Variants in PKHD1 observed in about 807,000 individuals in gnomAD.
PKHD1 encodes the protein PKHD1 ciliary IPT domain containing fibrocystin/polyductin.
PKHD1 carries 291 observed loss-of-function variants against 412.0 expected under a neutral mutation model. That is an observed-to-expected ratio of 0.71 (90% CI 0.64 to 0.78). The LOEUF (loss-of-function observed/expected upper bound fraction) is 0.78. PKHD1 is among the 30% of genes least tolerant of loss of function. The pLI, the probability that PKHD1 is intolerant of heterozygous loss-of-function variation, is 0.00. For missense variants in PKHD1, 4,825 were observed against 4,950.7 expected (o/e 0.97, Z 0.76); for synonymous variants, 1,777 against 1,821.5 (o/e 0.98, Z 0.62).
chr6:52,070,311 TC>T, intron 10 of PKHD1, 94 bp downstream of exon 10: 1 of 848,388 alleles, frequency 1.2e-6, no homozygotes, highest in Non-Finnish European at 2.0e-6. Context: ...TTTAACATTT[TC>T]CGTCATAAAA....
In PKHD1 at chr6:52,062,522, A is replaced by G. The variant is rs1808828254; in HGVS notation, c.1115T>C (p.Phe372Ser). 1 of 1,614,038 alleles carries G rather than the reference A, an allele frequency of 6.2e-7. No homozygotes were observed. The highest frequency in any genetic ancestry group is 1.1e-5 in the South Asian group (1 of 91,080). ...FGFWSQEGQP[F>S]RARLSGFFVA... The stretch of plus-strand genomic sequence containing the variant: ...TCCCACTTTTCCTACAACATACCTG[A>G]AAGGTTGTCCTTCCTGTGACCAAAA... The change falls in exon 14 of 67, where the codon TTC becomes TCC. Residue 372 changes from phenylalanine (F) to serine (S), a missense_variant. Physicochemically the swap from Phe to Ser is radical, Grantham distance 155 (BLOSUM62 -2). Transcript: ENST00000371117.
intron 35 of PKHD1, among the ~76,000 whole-genome samples, chr6:51,983,534 G>A (rs1448923945): frequency 6.6e-6 from 1 of 152,184 alleles, no homozygotes; most frequent in Non-Finnish European, 1.5e-5. Flanking sequence ...TTCCCAAGAG[G>A]GGGCAGATAA....
At chr6:51,799,001 T>C (rs993694390) in intron 52 of PKHD1, among the ~76,000 whole-genome samples, 3 of 152,180 alleles carry the variant, frequency 2.0e-5, no homozygotes, top group Non-Finnish European at 2.9e-5. Flanking sequence ...CCCTTTCAAT[T>C]GCCCTACCAA....
intron 50 of PKHD1, among the ~76,000 whole-genome samples, chr6:51,838,641 C>A (rs1411131641): frequency 6.6e-6 from 1 of 152,168 alleles, no homozygotes; most frequent in Non-Finnish European, 1.5e-5. Context: ...CATCTACATG[C>A]ATCTGGGGGC....
intron 53 of PKHD1, among the ~76,000 whole-genome samples, chr6:51,790,396 G>A (rs1201720292): frequency 6.6e-6 from 1 of 152,002 alleles, no homozygotes; most frequent in Non-Finnish European, 1.5e-5. Flanking sequence ...CACTACCCTA[G>A]ATCCATTCCA....
In PKHD1 at chr6:51,871,362, T is replaced by C. The variant is rs1296527177; in HGVS notation, c.7351-723A>G. Among the ~76,000 whole-genome samples, 6 of 121,700 alleles carry C rather than the reference T, an allele frequency of 4.9e-5. 1 individual carries two copies. In the South Asian group the frequency reaches 7.3e-4, roughly 15 times the overall value. The allele number at this position is 121,700 out of a possible 152,430, so 79.8% of individuals were successfully genotyped here. Reference sequence around the variant, plus strand: ...TCGTCGATAATAAGGAATGTAATATTGATATGTGCAACAAGTTAGATGAAT... The same window carrying C: ...TCGTCGATAATAAGGAATGTAATATCGATATGTGCAACAAGTTAGATGAAT... On this transcript the variant is annotated intron_variant, in intron 46 of 66. Transcript: ENST00000371117.
intron 46 of PKHD1, among the ~76,000 whole-genome samples, chr6:51,872,677 G>T (rs1348490133): frequency 2.0e-5 from 3 of 152,050 alleles, no homozygotes; most frequent in Admixed American, 6.5e-5. Flanking sequence ...CCAAACTGCT[G>T]GGATTACAGG....
intron 55 of PKHD1, among the ~76,000 whole-genome samples, chr6:51,758,054 A>G (rs992490972): frequency 7.8e-5 from 9 of 115,344 alleles, no homozygotes; most frequent in African/African-American, 2.7e-4. Flanking sequence ...GAGAGAGAGA[A>G]AACAAAGCAA....
chr6:51,868,244 T>C, intron 47 of PKHD1, 135 bp from the exon 48 acceptor site: 1 of 831,008 alleles, frequency 1.2e-6, no homozygotes, highest in South Asian at 1.5e-5. Flanking sequence ...AGAAAAAAAG[T>C]GTTTTCTGTG....
rs1210900277 is a variant in PKHD1 at position 52,055,671 on chromosome 6, G to A, written c.1752C>T (p.Gly584=). The A allele has an allele frequency of 5.0e-6, 8 of 1,613,890 alleles. No individual in the cohort carries two copies. Among genetic ancestry groups the A allele is most frequent in the Non-Finnish European group, 6.8e-6 (8 of 1,179,822 alleles). ...GTCGAGGCTGACGGAGGCTGAACCT[G>A]CCACAGAAGGGCTCCGTCCCACTGG... ...DLTSGTEPFC[G]RFSLRQPRHL... The change falls in exon 19 of 67, where the codon GGC becomes GGT. Residue 584 remains glycine, a synonymous_variant. Transcript: ENST00000371117.
intron 46 of PKHD1, 119 bp from the exon 47 acceptor site, chr6:51,870,758 T>C (rs747494050): frequency 6.2e-5 from 47 of 761,096 alleles, no homozygotes; most frequent in Non-Finnish European, 9.4e-5. Context: ...TAAGAGAAAA[T>C]ATTTGCCAAT....
intron 35 of PKHD1, among the ~76,000 whole-genome samples, chr6:52,000,269 T>G (rs1583815122): frequency 6.6e-6 from 1 of 152,262 alleles, no homozygotes; most frequent in African/African-American, 2.4e-5. Context: ...ACACTTCTGG[T>G]TCTTCAATTA....
At chr6:51,695,437 T>C (rs1562117547) in intron 60 of PKHD1, among the ~76,000 whole-genome samples, 1 of 150,058 alleles carries the variant, frequency 6.7e-6, no homozygotes, top group Non-Finnish European at 1.5e-5. Context: ...TGAAGAGGAG[T>C]AGGAGGAGAA....
intron 43 of PKHD1, among the ~76,000 whole-genome samples, chr6:51,888,218 A>G (rs539204364): frequency 6.6e-6 from 1 of 152,326 alleles, no homozygotes; most frequent in East Asian, 1.9e-4. Context: ...AGTCGCCTTG[A>G]TATTTCTTTA....
chr6:51,906,740 G>A (rs931764897), intron 40 of PKHD1, among the ~76,000 whole-genome samples: 7 of 152,050 alleles, frequency 4.6e-5, no homozygotes, highest in Non-Finnish European at 7.4e-5. Flanking sequence ...GAAACCTGGA[G>A]CAGTGAATTA....
intron 60 of PKHD1, among the ~76,000 whole-genome samples, chr6:51,699,219 T>C (rs1303442740): frequency 6.6e-6 from 1 of 152,220 alleles, no homozygotes; most frequent in Non-Finnish European, 1.5e-5. Context: ...CAAAAGTCCC[T>C]TGGGCTACCC....
intron 60 of PKHD1, among the ~76,000 whole-genome samples, chr6:51,679,884 T>A (rs2150557150): frequency 6.6e-6 from 1 of 152,172 alleles, no homozygotes; most frequent in Non-Finnish European, 1.5e-5. Flanking sequence ...AATCCTGTTG[T>A]CTCTGCTGTG....
intron 60 of PKHD1, among the ~76,000 whole-genome samples, chr6:51,707,798 T>G (rs544439684): frequency 6.6e-6 from 1 of 152,308 alleles, no homozygotes; most frequent in East Asian, 1.9e-4. Flanking sequence ...GTTGAAGGAT[T>G]TGATACTGTA....
rs960635834 is a variant in PKHD1 at position 51,616,790 on chromosome 6, T to C, written c.*2291A>G. 1 of 397,600 alleles carries C rather than the reference T, an allele frequency of 2.5e-6. No individual in the cohort carries two copies. Among genetic ancestry groups the C allele is most frequent in the East Asian group, 3.6e-5 (1 of 28,038 alleles). The allele number at this position is 397,600 out of a possible 1,614,324, so 24.6% of individuals were successfully genotyped here. On this transcript the variant is annotated 3_prime_UTR_variant, in exon 67 of 67. Transcript: ENST00000371117. ...CCAGAAAGACTGGTCTTGTGACACA[T>C]AGAGGATAAATAAGAAGATAATAAA...
Sources: gnomAD v4.1 joint callset for allele counts (sites outside exome capture counted in the v4.1 genomes callset) on GRCh38, gnomAD v4.1.1 for gene constraint, MANE v1.5 for transcripts, NCBI Gene and HGNC (gene_info 2026-07-23, HGNC 2026-07-21) for gene names.